The following KDM5A variants were observed in gnomAD, a reference collection of about 807,000 sequenced individuals.
KDM5A encodes the protein lysine-specific demethylase 5A.
In KDM5A, 42 loss-of-function variants were observed where a neutral mutation model predicts 193.5. That is an observed-to-expected ratio of 0.22 (90% CI 0.17 to 0.28). The LOEUF (loss-of-function observed/expected upper bound fraction) is 0.28, where lower values mean the gene tolerates loss of function less well. KDM5A is among the 10% of genes least tolerant of loss of function. KDM5A has a pLI of 1.00. For missense variants in KDM5A, 1,692 were observed against 2,055.1 expected, an observed-to-expected ratio of 0.82 and a Z score of 3.42; for synonymous variants, 796 against 718.1, an observed-to-expected ratio of 1.11 and a Z score of -1.73.
At chr12:298,148 G>A (rs997484969) in intron 24 of KDM5A, among the ~76,000 whole-genome samples, 2 of 152,314 alleles carry the variant, frequency 1.3e-5, no homozygotes, top group South Asian at 2.1e-4. Flanking sequence ...CCTGCCTGAC[G>A]GCTCTGAAGA....
chr12:304,446 CTTTTTTTT>C (rs67930424), intron 24 of KDM5A, among the ~76,000 whole-genome samples: 6 of 112,574 alleles, frequency 5.3e-5, no homozygotes, highest in African/African-American at 1.7e-4. Context: ...AGAGTATAGG[CTTTTTTTT>C]TTTTTTTTTT....
intron 8 of KDM5A, among the ~76,000 whole-genome samples, chr12:353,390 GA>G (rs960184574): frequency 6.6e-6 from 1 of 152,138 alleles, no homozygotes; most frequent in Non-Finnish European, 1.5e-5. Flanking sequence ...TTAATAGCAT[GA>G]AATTGGATGC....
At chr12:367,357 G>A (rs1186345244) in intron 3 of KDM5A, among the ~76,000 whole-genome samples, 1 of 150,496 alleles carries the variant, frequency 6.6e-6, no homozygotes, top group Non-Finnish European at 1.5e-5. Context: ...TTCAAACCAT[G>A]CTGGACAATA....
rs1943516449 is a variant in KDM5A, at chr12:307,026, GAGA to G, written c.3991_3993del (p.Ser1331del). The stretch of plus-strand genomic sequence containing the variant: ...TCATCATAGTCCATTGTTTGTCGAG[GAGA>G]AGATGACACACTGCTCACCACCCGG... On this transcript the variant is annotated inframe_deletion, in exon 24 of 28. Transcript: ENST00000399788. The surrounding 1 kb of genome is among the most constrained non-coding windows in gnomAD (Gnocchi z 4.3). 4.3e-6 allele frequency: 7 copies of G among 1,614,050 alleles called. No homozygotes were observed. Among genetic ancestry groups the G allele is most frequent in the East Asian group, 2.2e-5 (1 of 44,880 alleles).
intron 27 of KDM5A, among the ~76,000 whole-genome samples, chr12:288,926 T>C (rs769730466): frequency 2.6e-4 from 39 of 152,100 alleles, no homozygotes; most frequent in African/African-American, 7.2e-4. Flanking sequence ...CGTGCACGCG[T>C]GTGTGTGTGT....
intron 10 of KDM5A, among the ~76,000 whole-genome samples, chr12:338,711 G>A (rs1484830627): frequency 6.6e-6 from 1 of 152,142 alleles, no homozygotes; most frequent in Non-Finnish European, 1.5e-5. Flanking sequence ...AATGGCTGTA[G>A]TGGGAATGCA....
intron 3 of KDM5A, among the ~76,000 whole-genome samples, chr12:375,266 T>C (rs959356352): frequency 1.1e-4 from 17 of 152,278 alleles, no homozygotes; most frequent in African/African-American, 3.8e-4. Context: ...TTGGAGGCTT[T>C]GTTTCTTTTT....
At chr12:353,795 G>A (rs1395684653) in intron 8 of KDM5A, among the ~76,000 whole-genome samples, 3 of 151,906 alleles carry the variant, frequency 2.0e-5, no homozygotes, top group African/African-American at 7.3e-5. Context: ...GGTGGCTCGC[G>A]CCTGTAGTCC....
At chr12:324,630 T>C (rs1003514736) in intron 14 of KDM5A, among the ~76,000 whole-genome samples, 3 of 152,152 alleles carry the variant, frequency 2.0e-5, no homozygotes, top group Admixed American at 6.5e-5. Flanking sequence ...CCCAGCACTT[T>C]GGGAGGCCGA....
At chr12:320,444 C>T (rs955554543) in intron 18 of KDM5A, among the ~76,000 whole-genome samples, 4 of 152,102 alleles carry the variant, frequency 2.6e-5, no homozygotes, top group East Asian at 3.9e-4. Context: ...TGCAGTAAGC[C>T]GAGATCTCGC....
At chr12:322,264 T>C (rs1943726594) in intron 17 of KDM5A, 153 bp downstream of exon 17, 4 of 668,568 alleles carry the variant, frequency 6.0e-6, no homozygotes, top group Admixed American at 4.7e-5. Flanking sequence ...GGGAGAATAG[T>C]AGGAGATAAA....
chr12:292,709 A>G (rs371721053), intron 27 of KDM5A, 50 bp downstream of exon 27: 12 of 1,612,816 alleles, frequency 7.4e-6, no homozygotes, highest in Non-Finnish European at 9.3e-6. Context: ...TGTCTCCACA[A>G]CTGTTGCTCC....
chr12:374,180 G>T (rs1041292228), intron 3 of KDM5A, among the ~76,000 whole-genome samples: 6 of 152,226 alleles, frequency 3.9e-5, no homozygotes, highest in Admixed American at 1.3e-4. Flanking sequence ...TGACAGTAGG[G>T]TGTTAAAGTC....
rs752032118 is a variant in KDM5A, at chr12:384,041, G to C, written c.356C>G (p.Ala119Gly). ...CAGTATGAGCCTCACCTTGCTCAAA[G>C]CATACAGATCCAGGATTTTTCTCTC... ...VVERKILDLYALSKIVASKGG... is the reference protein window; with the variant it reads ...VVERKILDLYGLSKIVASKGG... The change falls in exon 3 of 28, where the codon GCT (alanine) becomes GGT (glycine). Residue 119 changes from alanine (A) to glycine (G), a missense_variant. Transcript: ENST00000399788. The C allele has an allele frequency of 6.2e-7, 1 of 1,613,878 alleles. No homozygotes were observed. The highest frequency in any genetic ancestry group is 8.5e-7 in the Non-Finnish European group (1 of 1,179,816).
chr12:333,462 T>A, intron 12 of KDM5A, 25 bp downstream of exon 12: 1 of 1,613,198 alleles, frequency 6.2e-7, no homozygotes, highest in Non-Finnish European at 8.5e-7. Context: ...AACAAACAAC[T>A]GAAGGAAGAC....
intron 5 of KDM5A, among the ~76,000 whole-genome samples, chr12:358,123 T>C (rs1944249158): frequency 6.6e-6 from 1 of 152,198 alleles, no homozygotes; most frequent in East Asian, 1.9e-4. Context: ...GTTTAAGTTC[T>C]AATACTTGAA....
intron 20 of KDM5A, among the ~76,000 whole-genome samples, chr12:311,371 T>C (rs1943584645): frequency 1.3e-5 from 2 of 151,714 alleles, no homozygotes; most frequent in East Asian, 1.9e-4. Flanking sequence ...AGGCCAGGCG[T>C]GGTGGCTCAC....
intron 5 of KDM5A, among the ~76,000 whole-genome samples, chr12:357,896 C>T (rs549031527): frequency 1.4e-5 from 2 of 140,480 alleles, no homozygotes; most frequent in East Asian, 2.1e-4. Context: ...TAAAGGACTC[C>T]GTCTGGTGAA....
intron 6 of KDM5A, 28 bp downstream of exon 6, chr12:356,404 C>T (rs1944229787): frequency 7.5e-7 from 1 of 1,337,990 alleles, no homozygotes; most frequent in Admixed American, 1.7e-5. Context: ...TACCTTATCT[C>T]TTTTCATGAT....
Sources: gnomAD v4.1 joint callset for allele counts (sites outside exome capture counted in the v4.1 genomes callset) on GRCh38, gnomAD v4.1.1 for gene constraint, Gnocchi (gnomAD v3.1) non-coding constraint, MANE v1.5 for transcripts, NCBI Gene and HGNC (gene_info 2026-07-23, HGNC 2026-07-21) for gene names.